The following FAM78A variants were observed in gnomAD, a reference collection of about 807,000 sequenced individuals.
FAM78A encodes the protein family with sequence similarity 78 member A.
In FAM78A, 12 loss-of-function variants were observed where a neutral mutation model predicts 22.6. That is an observed-to-expected ratio of 0.53 (90% CI 0.34 to 0.86). The LOEUF (loss-of-function observed/expected upper bound fraction) is 0.86. FAM78A is among the 40% of genes least tolerant of loss of function. The pLI is 0.02. For synonymous variants in FAM78A, 151 were observed against 155.8 expected (o/e 0.97, Z 0.23); for missense variants, 322 against 396.1 (o/e 0.81, Z 1.59).
At position 131,261,745 on chromosome 9, in the gene FAM78A, T is replaced by G. The variant is rs1835273422; in HGVS notation, c.324-395A>C. Among the ~76,000 whole-genome samples, 1 of 152,084 alleles carries G rather than the reference T, an allele frequency of 6.6e-6. No individual in the cohort carries two copies. ...CACCCGGCAGATACAGAAAGTGAAG[T>G]GGTGGGCTGGGGGTGGAGAGTGAGG... On this transcript the variant is annotated intron_variant, in intron 1 of 1. Transcript: ENST00000372271. This position sits in a 1 kb window ranked among gnomAD's most constrained non-coding sequence, Gnocchi z 7.1.
chr9:131,270,320 A>G, intron 1 of FAM78A: 1 of 717,608 alleles, frequency 1.4e-6, no homozygotes, highest in Non-Finnish European at 2.6e-6. Flanking sequence ...CACAAACAAC[A>G]GGTGAAGACG....
Position 131,261,451 on chromosome 9 carries a change from C to T in FAM78A, c.324-101G>A, listed in dbSNP as rs556051969. 2.1e-5 allele frequency: 26 copies of T among 1,212,258 alleles called. No individual in the cohort carries two copies. Among genetic ancestry groups the T allele is most frequent in the South Asian group, 6.4e-5 (4 of 62,522 alleles). The allele number at this position is 1,212,258 out of a possible 1,614,324, so 75.1% of individuals were successfully genotyped here. A position where few individuals can be genotyped will look rare whatever the true frequency, so the allele number is the denominator to read the frequency against. On this transcript the variant is annotated intron_variant, in intron 1 of 1. Coordinates refer to ENST00000372271, the MANE Select transcript of FAM78A (RefSeq NM_033387.4). The surrounding 1 kb of genome is among the most constrained non-coding windows in gnomAD (Gnocchi z 7.1). ...GCTGTCCTGGGCCCTGAGGATGGAA[C>T]GGACCCAGCAGACCACCCGGTCCCC...
Position 131,275,812 on chromosome 9 carries a change from G to T in FAM78A, c.323+45C>A. The T allele has an allele frequency of 6.6e-7, 1 of 1,525,948 alleles. No individual in the cohort carries two copies. 94.5% of individuals were successfully genotyped at this position (1,525,948 alleles called of 1,614,324 possible). ...GGCCCCCCACCAGGCCTCCAAGCTC[G>T]GCCATCCCTAGCAGTTCCCAGAGCT... On this transcript the variant is annotated intron_variant, in intron 1 of 1. Coordinates refer to ENST00000372271, the MANE Select transcript of FAM78A (RefSeq NM_033387.4). This position sits in a 1 kb window ranked among gnomAD's most constrained non-coding sequence, Gnocchi z 4.6.
chr9:131,264,411 AC>A (rs1835315824), intron 1 of FAM78A: 1 of 588,578 alleles, frequency 1.7e-6, no homozygotes, highest in African/African-American at 1.9e-5. Flanking sequence ...GGATCCCTCC[AC>A]CTGGGGGTTG....
In FAM78A at chr9:131,275,714, C is replaced by G. The variant is rs1835474264; in HGVS notation, c.323+143G>C. 1.1e-6 allele frequency: 1 copy of G among 898,636 alleles called. No individual in the cohort carries two copies. Among genetic ancestry groups the G allele is most frequent in the East Asian group, 2.7e-5 (1 of 37,220 alleles). The allele number at this position is 898,636 out of a possible 1,614,324, so 55.7% of individuals were successfully genotyped here. A position where few individuals can be genotyped will look rare whatever the true frequency, so the allele number is the denominator to read the frequency against. ...GGAGCCACCGGGCCAATGAGGCCAC[C>G]TGCATACCTGCCTAAAGCTTCCCTC... On this transcript the variant is annotated intron_variant, in intron 1 of 1. Coordinates refer to ENST00000372271, the MANE Select transcript of FAM78A (RefSeq NM_033387.4). The surrounding 1 kb of genome is among the most constrained non-coding windows in gnomAD (Gnocchi z 4.6).
chr9:131,269,096 C>A (rs1167076245), intron 1 of FAM78A, among the ~76,000 whole-genome samples: 1 of 113,278 alleles, frequency 8.8e-6, no homozygotes, highest in South Asian at 3.6e-4. Context: ...AACAAAACTT[C>A]GTCTCAAAAA....
upstream of FAM78A, among the ~76,000 whole-genome samples, chr9:131,277,997 A>G (rs950309609): frequency 6.9e-6 from 1 of 145,264 alleles, no homozygotes; most frequent in Non-Finnish European, 1.5e-5. The surrounding 1 kb of genome is among the most constrained non-coding windows in gnomAD (Gnocchi z 8.4). Flanking sequence ...CGGCGCACGC[A>G]GGGACCGCCG....
At chr9:131,278,151 C>T (rs1398048734), upstream of FAM78A, among the ~76,000 whole-genome samples, 1 of 151,766 alleles carries the variant, frequency 6.6e-6, no homozygotes, top group Admixed American at 6.6e-5. Flanking sequence ...ATCCCTCGCT[C>T]CCCCTCGCTC....
rs145802325 is a variant in FAM78A, at chr9:131,272,274, A to G, written c.323+3583T>C. ...AAGCACAGGGCCTGGGTTTCATTTT[A>G]AGGATGTGAATTGTCTGGGTCAAGT... On this transcript the variant is annotated intron_variant, in intron 1 of 1. Transcript: ENST00000372271. This position sits in a 1 kb window ranked among gnomAD's most constrained non-coding sequence, Gnocchi z 4.1. Among the ~76,000 whole-genome samples, 264 of 152,322 alleles carry G rather than the reference A, an allele frequency of 1.7e-3. 1 individual carries two copies. Among genetic ancestry groups the G allele is most frequent in the African/African-American group, 5.7e-3 (235 of 41,580 alleles).
At position 131,272,728 on chromosome 9, in the gene FAM78A, C is replaced by T. The variant is rs762535904; in HGVS notation, c.323+3129G>A. ...GGCAGATCACCTGAGGTCAGGAGTTCGAGACCATCCTGGCCAACGCGGTGA... is the reference window on the plus strand; with the variant it reads ...GGCAGATCACCTGAGGTCAGGAGTTTGAGACCATCCTGGCCAACGCGGTGA... On this transcript the variant is annotated intron_variant, in intron 1 of 1. Coordinates refer to ENST00000372271, the MANE Select transcript of FAM78A (RefSeq NM_033387.4). This position sits in a 1 kb window ranked among gnomAD's most constrained non-coding sequence, Gnocchi z 4.1. Among the ~76,000 whole-genome samples, 24 of 152,106 alleles carry T rather than the reference C, an allele frequency of 1.6e-4. No individual in the cohort carries two copies. The highest frequency in any genetic ancestry group is 3.4e-4 in the Non-Finnish European group (23 of 68,010).
chr9:131,263,802 T>G (rs1835305352), intron 1 of FAM78A: 1 of 152,558 alleles, frequency 6.6e-6, no homozygotes, highest in African/African-American at 2.4e-5. Context: ...AAAAGCTCAC[T>G]CATTAGAGTA....
In FAM78A at chr9:131,260,181, A is replaced by G. The variant is rs1055236686; in HGVS notation, c.*641T>C. ...TCACCCTTCTCCCAAGACAACCGGG[A>G]AGAAGGGCTCAAGAGACTCTCGCGG... is the stretch of plus-strand genomic sequence containing the variant. On this transcript the variant is annotated 3_prime_UTR_variant, in exon 2 of 2. Coordinates refer to ENST00000372271, the MANE Select transcript of FAM78A (RefSeq NM_033387.4). This position sits in a 1 kb window ranked among gnomAD's most constrained non-coding sequence, Gnocchi z 5.4. 2.6e-5 allele frequency: 4 copies of G among 152,602 alleles called. No homozygotes were observed. The East Asian group carries it at 7.7e-4, about 29-fold the overall frequency. 9.5% of individuals were successfully genotyped at this position (152,602 alleles called of 1,614,324 possible).
chr9:131,260,732 T>C lies in FAM78A; in HGVS notation c.*90A>G. 1 of 1,452,834 alleles carries C rather than the reference T, an allele frequency of 6.9e-7. No individual in the cohort carries two copies. The highest frequency in any genetic ancestry group is 9.1e-7 in the Non-Finnish European group (1 of 1,093,538). The allele number at this position is 1,452,834 out of a possible 1,614,324, so 90.0% of individuals were successfully genotyped here. A position where few individuals can be genotyped will look rare whatever the true frequency, so the allele number is the denominator to read the frequency against. ...CCCGCTGGAGAGGGTAGAATGGTTG[T>C]ATCTTGCTGAATGACTGAAGAGTGA... On this transcript the variant is annotated 3_prime_UTR_variant, in exon 2 of 2. Coordinates refer to ENST00000372271, the MANE Select transcript of FAM78A (RefSeq NM_033387.4). This position sits in a 1 kb window ranked among gnomAD's most constrained non-coding sequence, Gnocchi z 5.4.
At position 131,275,240 on chromosome 9, in the gene FAM78A, G is replaced by A. The variant is rs556034340; in HGVS notation, c.323+617C>T. Among the ~76,000 whole-genome samples the A allele has an allele frequency of 3.9e-5, 6 of 152,290 alleles. No homozygotes were observed. The highest frequency in any genetic ancestry group is 3.9e-4 in the East Asian group (2 of 5,184). On this transcript the variant is annotated intron_variant, in intron 1 of 1. Coordinates refer to ENST00000372271, the MANE Select transcript of FAM78A (RefSeq NM_033387.4). This position sits in a 1 kb window ranked among gnomAD's most constrained non-coding sequence, Gnocchi z 4.6. The stretch of plus-strand genomic sequence containing the variant: ...GACACTGGACTTGTCTGCATAAAGC[G>A]GTCTTCTGCCTTGGAGACAGAAAGC...
At chr9:131,277,661 G>C (rs1835502526), upstream of FAM78A, among the ~76,000 whole-genome samples, 1 of 151,448 alleles carries the variant, frequency 6.6e-6, no homozygotes, top group African/African-American at 2.4e-5. This position sits in a 1 kb window ranked among gnomAD's most constrained non-coding sequence, Gnocchi z 8.4. Flanking sequence ...CTGTCCCTTG[G>C]CTCTACTGGA....
upstream of FAM78A, among the ~76,000 whole-genome samples, chr9:131,276,962 G>T (rs1028569335): frequency 2.7e-5 from 4 of 149,582 alleles, no homozygotes; most frequent in African/African-American, 4.9e-5. This position sits in a 1 kb window ranked among gnomAD's most constrained non-coding sequence, Gnocchi z 4.3. Flanking sequence ...AGGTGGAAGG[G>T]ACAGCGCGTC....
chr9:131,270,911 C>A (rs1011792452), intron 1 of FAM78A, among the ~76,000 whole-genome samples: 1 of 151,798 alleles, frequency 6.6e-6, no homozygotes, highest in Non-Finnish European at 1.5e-5. Flanking sequence ...GGTGGGAAGG[C>A]GCCCGAGGCA....
chr9:131,271,269 C>T (rs1342690928), intron 1 of FAM78A, among the ~76,000 whole-genome samples: 1 of 152,154 alleles, frequency 6.6e-6, no homozygotes, highest in Non-Finnish European at 1.5e-5. Flanking sequence ...ATGCTATAGA[C>T]AGGTATCTGA....
chr9:131,260,916 G>A lies in FAM78A; in HGVS notation c.758C>T (p.Ala253Val). The stretch of plus-strand genomic sequence containing the variant: ...ATCGTTGGCATTGGGCTTGACCAGG[G>A]CGCTGGGCGGGATGGGCTCATTCTT... The part of the protein sequence containing the change: ...LSKNEPIPPS[A>V]LVKPNANDAQ... Residue 253 changes from alanine to valine, a missense_variant, in exon 2 of 2, where the codon GCC becomes GTC. Transcript: ENST00000372271. This position sits in a 1 kb window ranked among gnomAD's most constrained non-coding sequence, Gnocchi z 5.4. 1 of 1,591,274 alleles carries A rather than the reference G, an allele frequency of 6.3e-7. No homozygotes were observed.
Sources: allele counts gnomAD v4.1 joint callset (sites outside exome capture counted in the v4.1 genomes callset), GRCh38; gene constraint gnomAD v4.1.1; non-coding constraint Gnocchi (gnomAD v3.1); transcripts MANE v1.5; gene names NCBI Gene and HGNC (gene_info 2026-07-23, HGNC 2026-07-21).